PCDHGB3: variants seen among roughly 807,000 people sequenced by gnomAD.
The protein encoded by PCDHGB3 is protocadherin gamma-B3.
In PCDHGB3, 40 loss-of-function variants were observed where a neutral mutation model predicts 59.2. That is an observed-to-expected ratio of 0.68 (90% CI 0.52 to 0.88). The LOEUF (loss-of-function observed/expected upper bound fraction) is 0.88, where lower values mean the gene tolerates loss of function less well. Among genes scored for constraint, PCDHGB3 ranks in the 40% least tolerant of loss-of-function variants. The pLI is 0.00. For missense variants in PCDHGB3, 1,309 were observed against 1,187.9 expected, an observed-to-expected ratio of 1.10 and a Z score of -1.50; for synonymous variants, 581 against 503.6, an observed-to-expected ratio of 1.15 and a Z score of -2.06.
At chr5:141,388,969 C>A (rs1392290138) in intron 1 of PCDHGB3, 1 of 1,613,882 alleles carries the variant, frequency 6.2e-7, no homozygotes, top group Non-Finnish European at 8.5e-7. Context: ...GAGCTGGGAA[C>A]ACATATTGCT....
At position 141,489,585 on chromosome 5, in the gene PCDHGB3, G is replaced by A; in HGVS notation, c.2416-5222G>A. 3 of 1,614,090 alleles carry A rather than the reference G, an allele frequency of 1.9e-6. No individual in the cohort carries two copies. Among genetic ancestry groups the A allele is most frequent in the Non-Finnish European group, 2.5e-6 (3 of 1,180,004 alleles). The stretch of plus-strand genomic sequence containing the variant: ...AGGTGGTGACTGAACACCCCCTGGA[G>A]CTAATCCGTGTAGAGGTAGAGATCC... On this transcript the variant is annotated intron_variant, in intron 1 of 3. Coordinates refer to ENST00000576222, the MANE Select transcript of PCDHGB3 (RefSeq NM_018924.5). The surrounding 1 kb of genome is among the most constrained non-coding windows in gnomAD (Gnocchi z 4.5).
chr5:141,462,198 G>C (rs2099034283), intron 1 of PCDHGB3, among the ~76,000 whole-genome samples: 1 of 152,182 alleles, frequency 6.6e-6, no homozygotes, highest in Non-Finnish European at 1.5e-5. Context: ...GACCTCAGGT[G>C]ATCCGCCTGC....
At position 141,489,590 on chromosome 5, in the gene PCDHGB3, T is replaced by C; in HGVS notation, c.2416-5217T>C. The C allele has an allele frequency of 6.2e-7, 1 of 1,614,044 alleles. No homozygotes were observed. Among genetic ancestry groups the C allele is most frequent in the Non-Finnish European group, 8.5e-7 (1 of 1,179,984 alleles). ...GTGACTGAACACCCCCTGGAGCTAA[T>C]CCGTGTAGAGGTAGAGATCCTGGAT... On this transcript the variant is annotated intron_variant, in intron 1 of 3. Transcript: ENST00000576222. The surrounding 1 kb of genome is among the most constrained non-coding windows in gnomAD (Gnocchi z 4.5).
At chr5:141,376,160 C>G in intron 1 of PCDHGB3, 1 of 1,614,010 alleles carries the variant, frequency 6.2e-7, no homozygotes, top group South Asian at 1.1e-5. Context: ...CACTCTGTAC[C>G]TGGTGGTGGC....
At chr5:141,409,201 A>G (rs2095240333) in intron 1 of PCDHGB3, 1 of 1,614,044 alleles carries the variant, frequency 6.2e-7, no homozygotes, top group Non-Finnish European at 8.5e-7. Flanking sequence ...AGTGTAAAGT[A>G]ATCATAGAAA....
At chr5:141,389,944 A>T in intron 1 of PCDHGB3, 1 of 1,613,974 alleles carries the variant, frequency 6.2e-7, no homozygotes, top group East Asian at 2.2e-5. Context: ...GCTGAGCTGC[A>T]GTTTTACCTA....
chr5:141,470,680 T>C (rs1212361233), intron 1 of PCDHGB3, among the ~76,000 whole-genome samples: 1 of 152,090 alleles, frequency 6.6e-6, no homozygotes, highest in Non-Finnish European at 1.5e-5. Context: ...GCTGTTACCA[T>C]CTTGAAATTC....
chr5:141,418,666 G>C, intron 1 of PCDHGB3: 1 of 1,614,038 alleles, frequency 6.2e-7, no homozygotes, highest in Non-Finnish European at 8.5e-7. Context: ...CCACTGACCA[G>C]GACGAGGGCA....
At chr5:141,375,793 C>G (rs761231690) in intron 1 of PCDHGB3, 1 of 1,614,110 alleles carries the variant, frequency 6.2e-7, no homozygotes, top group Non-Finnish European at 8.5e-7. Context: ...TCCCCACAGA[C>G]GGTTCCACTG....
chr5:141,400,267 T>C (rs749494967), intron 1 of PCDHGB3: 4 of 1,614,030 alleles, frequency 2.5e-6, no homozygotes, highest in Middle Eastern at 1.6e-4. Context: ...CCTGCGACGC[T>C]CCTCCAGCCC....
chr5:141,427,956 C>T, intron 1 of PCDHGB3: 1 of 1,587,304 alleles, frequency 6.3e-7, no homozygotes, highest in African/African-American at 1.3e-5. Context: ...TGACAATGTG[C>T]CGCGGGTGCT....
Position 141,432,812 on chromosome 5 carries a change from G to A in PCDHGB3, c.2415+60003G>A, listed in dbSNP as rs753429933. ...CAGCCTCGAGTCTCCAGCTAACTCT[G>A]AAACCTCAGACCTCACTCTGTACCT... On this transcript the variant is annotated intron_variant, in intron 1 of 3. Coordinates refer to ENST00000576222, the MANE Select transcript of PCDHGB3 (RefSeq NM_018924.5). This position sits in a 1 kb window ranked among gnomAD's most constrained non-coding sequence, Gnocchi z 6.0. 1.2e-6 allele frequency: 2 copies of A among 1,614,176 alleles called. No homozygotes were observed. Among genetic ancestry groups the A allele is most frequent in the Non-Finnish European group, 1.7e-6 (2 of 1,180,014 alleles).
chr5:141,494,812 C>G lies in PCDHGB3; in HGVS notation c.2421C>G (p.Ala807=). The part of the protein sequence containing the change: ...PSNSGNLQKQ[A]PPNTDWRFSQ... ...TCCCTCTGTTTTCTCCACAGCAAGCCCCGCCCAACACGGACTGGCGTTTCT... is the reference window on the plus strand; with the variant it reads ...TCCCTCTGTTTTCTCCACAGCAAGCGCCGCCCAACACGGACTGGCGTTTCT... The change falls in exon 2 of 4, where the codon GCC becomes GCG. Residue 807 remains alanine, a synonymous_variant. Coordinates refer to ENST00000576222, the MANE Select transcript of PCDHGB3 (RefSeq NM_018924.5). 4 of 1,614,146 alleles carry G rather than the reference C, an allele frequency of 2.5e-6. No homozygotes were observed. The highest frequency in any genetic ancestry group is 3.4e-6 in the Non-Finnish European group (4 of 1,180,016).
rs1227487225 is a variant in PCDHGB3, at chr5:141,491,275, G to C, written c.2416-3532G>C. The C allele has an allele frequency of 2.5e-6, 4 of 1,614,082 alleles. 1 individual carries two copies. In the South Asian group the frequency reaches 4.4e-5, roughly 18 times the overall value. On this transcript the variant is annotated intron_variant, in intron 1 of 3. Transcript: ENST00000576222. This position sits in a 1 kb window ranked among gnomAD's most constrained non-coding sequence, Gnocchi z 6.9. Reference sequence around the variant, plus strand: ...CCCTGAGGAAATGCCCAAATCCAGTGACTTCCTCATACACCCTCCTGAGCG... The same window carrying C: ...CCCTGAGGAAATGCCCAAATCCAGTCACTTCCTCATACACCCTCCTGAGCG...
Position 141,489,830 on chromosome 5 carries a change from A to C in PCDHGB3, c.2416-4977A>C. On this transcript the variant is annotated intron_variant, in intron 1 of 3. Transcript: ENST00000576222. The surrounding 1 kb of genome is among the most constrained non-coding windows in gnomAD (Gnocchi z 4.5). ...AAGCCATTCCCAGAGCTGGTGCTAG[A>C]GCAGCAGCTGGATCGTGAAGCCCAG... 1 of 1,614,200 alleles carries C rather than the reference A, an allele frequency of 6.2e-7. No homozygotes were observed. Among genetic ancestry groups the C allele is most frequent in the Non-Finnish European group, 8.5e-7 (1 of 1,180,010 alleles).
At position 141,393,580 on chromosome 5, in the gene PCDHGB3, C is replaced by A. The variant is rs756625630; in HGVS notation, c.2415+20771C>A. 5.6e-6 allele frequency: 9 copies of A among 1,613,758 alleles called. No individual in the cohort carries two copies. In the South Asian group the frequency reaches 9.9e-5, roughly 18 times the overall value. ...CGAGTGAAAGTCCTTGAGAACATGC[C>A]CCCAGGCACGCGGCTGCTTACTGTA... is the stretch of plus-strand genomic sequence containing the variant. On this transcript the variant is annotated intron_variant, in intron 1 of 3. Transcript: ENST00000576222.
In PCDHGB3 at chr5:141,485,037, C is replaced by T. The variant is rs2099605532; in HGVS notation, c.2416-9770C>T. 1.0e-5 allele frequency: 7 copies of T among 702,746 alleles called. No individual in the cohort carries two copies. Among genetic ancestry groups the T allele is most frequent in the Non-Finnish European group, 1.5e-5 (6 of 402,836 alleles). 43.5% of individuals were successfully genotyped at this position (702,746 alleles called of 1,614,324 possible). A position where few individuals can be genotyped will look rare whatever the true frequency, so the allele number is the denominator to read the frequency against. ...GCCACCAGCAAAAACGGCGCGTAAC[C>T]CTTGCGGCGCCGGCCGAACCGCGCC... is the stretch of plus-strand genomic sequence containing the variant. On this transcript the variant is annotated intron_variant, in intron 1 of 3. Transcript: ENST00000576222. The surrounding 1 kb of genome is among the most constrained non-coding windows in gnomAD (Gnocchi z 5.7).
intron 1 of PCDHGB3, chr5:141,394,860 G>C (rs750446579): frequency 5.0e-6 from 8 of 1,613,674 alleles, no homozygotes; most frequent in Non-Finnish European, 5.9e-6. Flanking sequence ...GCCTTCGGTC[G>C]ACCCGAACGA....
intron 1 of PCDHGB3, chr5:141,416,678 G>T (rs2096051953): frequency 6.6e-6 from 1 of 151,990 alleles, no homozygotes; most frequent in Non-Finnish European, 1.5e-5. Flanking sequence ...TGCAACGAAG[G>T]GAAATTATAT....
Sources: gnomAD v4.1 joint callset for allele counts (sites outside exome capture counted in the v4.1 genomes callset) on GRCh38, gnomAD v4.1.1 for gene constraint, Gnocchi (gnomAD v3.1) non-coding constraint, MANE v1.5 for transcripts, NCBI Gene and HGNC (gene_info 2026-07-23, HGNC 2026-07-21) for gene names.